Variants in CDC25A observed in about 807,000 individuals in gnomAD.
The protein encoded by CDC25A is cell division cycle 25A, also known as M-phase inducer phosphatase 1.
A neutral mutation model predicts 64.6 loss-of-function variants in CDC25A; 17 were observed. The ratio of observed to expected loss-of-function variants is 0.26; its 90% CI spans 0.18 to 0.39. The LOEUF (loss-of-function observed/expected upper bound fraction) is 0.39. Among genes scored for constraint, CDC25A ranks in the 10% least tolerant of loss-of-function variants. The pLI, the probability that CDC25A is intolerant of heterozygous loss-of-function variation, is 1.00. For missense variants in CDC25A, 473 were observed against 654.8 expected (o/e 0.72, Z 3.03); for synonymous variants, 229 against 238.6 (o/e 0.96, Z 0.37).
chr3:48,171,484 G>T lies in CDC25A; in HGVS notation c.930+2800C>A, dbSNP rs867543067. On this transcript the variant is annotated intron_variant, in intron 9 of 14. Transcript: ENST00000302506. Reference sequence around the variant, plus strand: ...CAACCTCCATTTCCCGGGTTCAAGCGATTCTCCTGCCTCAGCCTCCTGAGC... The same window carrying T: ...CAACCTCCATTTCCCGGGTTCAAGCTATTCTCCTGCCTCAGCCTCCTGAGC... Among the ~76,000 whole-genome samples, 7 of 150,178 alleles carry T rather than the reference G, an allele frequency of 4.7e-5. No individual in the cohort carries two copies. The East Asian group carries it at 1.2e-3, about 26-fold the overall frequency.
chr3:48,172,010 T>A (rs1297750947), intron 9 of CDC25A, among the ~76,000 whole-genome samples: 40 of 151,918 alleles, frequency 2.6e-4, no homozygotes, highest in Admixed American at 2.6e-3. Context: ...AAAAAAAAAT[T>A]TTTTTTAAAT....
At chr3:48,181,030 A>G (rs2032648908) in intron 5 of CDC25A, among the ~76,000 whole-genome samples, 190 bp from the exon 6 acceptor site, 1 of 152,250 alleles carries the variant, frequency 6.6e-6, no homozygotes, top group Admixed American at 6.5e-5. Flanking sequence ...CTAAAGTAAC[A>G]TCTTTTTCTT....
chr3:48,185,609 A>G (rs1197407287), intron 2 of CDC25A, among the ~76,000 whole-genome samples: 2 of 152,054 alleles, frequency 1.3e-5, no homozygotes, highest in African/African-American at 2.4e-5. Context: ...TGGGTGACAG[A>G]GTTGAGACCT....
Position 48,186,692 on chromosome 3 carries a change from GACTTAAAT to G in CDC25A, c.247+3_247+10del, listed in dbSNP as rs1167964406. ...TCAGAGTATTGCTCCCCACACAGCA[GACTTAAAT>G]ACCTGAATCTGTTGACTCGGAGGAG... On this transcript the variant is annotated splice_donor_5th_base_variant and intron_variant, in intron 2 of 14. Coordinates refer to ENST00000302506, the MANE Select transcript of CDC25A (RefSeq NM_001789.3). The G allele has an allele frequency of 6.4e-7, 1 of 1,556,070 alleles. No individual in the cohort carries two copies. Among genetic ancestry groups the G allele is most frequent in the Non-Finnish European group, 8.8e-7 (1 of 1,132,202 alleles).
intron 5 of CDC25A, among the ~76,000 whole-genome samples, chr3:48,182,705 G>A (rs1378170502): frequency 6.6e-6 from 1 of 152,114 alleles, no homozygotes; most frequent in Non-Finnish European, 1.5e-5. Flanking sequence ...TCCCTAAAAG[G>A]TATTACTACT....
intron 13 of CDC25A, among the ~76,000 whole-genome samples, chr3:48,162,938 G>A (rs2031841844): frequency 6.6e-6 from 1 of 151,986 alleles, no homozygotes; most frequent in South Asian, 2.1e-4. Context: ...ATTGCTTGAG[G>A]CCAGGAGTTT....
At chr3:48,159,549 C>A (rs569376952) in intron 13 of CDC25A, 94 bp from the exon 14 acceptor site, 2 of 772,394 alleles carry the variant, frequency 2.6e-6, no homozygotes, top group African/African-American at 1.7e-5. Context: ...CTAAGTCCCC[C>A]TTATACACAT....
At chr3:48,164,210 T>C (rs2031908365) in intron 13 of CDC25A, 97 bp downstream of exon 13, 2 of 1,194,112 alleles carry the variant, frequency 1.7e-6, no homozygotes, top group South Asian at 1.8e-5. Flanking sequence ...TTGCTTGATA[T>C]GCTAAAATAT....
intron 6 of CDC25A, 112 bp downstream of exon 6, chr3:48,180,609 G>T: frequency 8.9e-7 from 1 of 1,125,578 alleles, no homozygotes; most frequent in Non-Finnish European, 1.2e-6. Context: ...AAAAGACAAA[G>T]TCAAGGTAAA....
At chr3:48,171,856 G>A (rs958672613) in intron 9 of CDC25A, among the ~76,000 whole-genome samples, 1 of 152,168 alleles carries the variant, frequency 6.6e-6, no homozygotes, top group African/African-American at 2.4e-5. Flanking sequence ...TAGTATACTT[G>A]TAAGTCAAAA....
chr3:48,168,360 C>CCAAACACACACACACA (rs1553768359), intron 9 of CDC25A, among the ~76,000 whole-genome samples: 1 of 106,538 alleles, frequency 9.4e-6, no homozygotes, highest in African/African-American at 3.8e-5. Context: ...AAGACCCTGT[C>CCAAACACACACACACA]CACACACACA....
intron 14 of CDC25A, 24 bp downstream of exon 14, chr3:48,159,320 T>C: frequency 6.7e-7 from 1 of 1,499,600 alleles, no homozygotes; most frequent in Non-Finnish European, 9.3e-7. Context: ...GGAGGAGAGA[T>C]GCTCTCCACA....
intron 5 of CDC25A, among the ~76,000 whole-genome samples, chr3:48,182,418 TA>T (rs1401225880): frequency 6.6e-6 from 1 of 152,200 alleles, no homozygotes; most frequent in Non-Finnish European, 1.5e-5. Context: ...TCAGGGTAGA[TA>T]ACCAGAAATT....
At chr3:48,170,368 G>C (rs1350467712) in intron 9 of CDC25A, among the ~76,000 whole-genome samples, 1 of 152,140 alleles carries the variant, frequency 6.6e-6, no homozygotes, top group African/African-American at 2.4e-5. Context: ...TTTAAGTAGG[G>C]GTTCCCATGA....
intron 2 of CDC25A, 77 bp downstream of exon 2, chr3:48,186,626 C>T (rs2032854452): frequency 1.1e-6 from 1 of 923,272 alleles, no homozygotes; most frequent in Non-Finnish European, 1.7e-6. Flanking sequence ...AAGTTCTCAC[C>T]AAAACTAACC....
chr3:48,161,898 T>C (rs2031781910), intron 13 of CDC25A, among the ~76,000 whole-genome samples: 4 of 152,026 alleles, frequency 2.6e-5, no homozygotes, highest in Admixed American at 2.6e-4. Flanking sequence ...CCGTCTCTAC[T>C]AAAAATACAA....
Position 48,188,179 on chromosome 3 carries a change from A to C in CDC25A, c.-232T>G. On this transcript the variant is annotated 5_prime_UTR_variant, in exon 1 of 15. Transcript: ENST00000302506. ...CCACAGGCACGGGTGCTTCCCTCTC[A>C]CACCGCGAGGCCAGCGGGCGGGCGG... The C allele has an allele frequency of 1.8e-5, 6 of 338,386 alleles. No homozygotes were observed. Among genetic ancestry groups the C allele is most frequent in the African/African-American group, 2.2e-5 (1 of 46,344 alleles). The allele number at this position is 338,386 out of a possible 1,614,324, so 21.0% of individuals were successfully genotyped here. A position where few individuals can be genotyped will look rare whatever the true frequency, so the allele number is the denominator to read the frequency against.
At chr3:48,178,575 C>T (rs1023083164) in intron 6 of CDC25A, among the ~76,000 whole-genome samples, 2 of 152,212 alleles carry the variant, frequency 1.3e-5, no homozygotes, top group Non-Finnish European at 2.9e-5. Context: ...AGAAGCCTCA[C>T]AATACACTAA....
intron 8 of CDC25A, 122 bp downstream of exon 8, chr3:48,177,249 C>T: frequency 5.3e-6 from 4 of 759,274 alleles, no homozygotes; most frequent in Non-Finnish European, 9.1e-6. Flanking sequence ...AAAGTGAGGC[C>T]TAAAACCCAG....
Sources: allele counts gnomAD v4.1 joint callset (sites outside exome capture counted in the v4.1 genomes callset), GRCh38; gene constraint gnomAD v4.1.1; transcripts MANE v1.5; gene names NCBI Gene and HGNC (gene_info 2026-07-23, HGNC 2026-07-21).